ANK2: variants seen among roughly 807,000 people sequenced by gnomAD.
The protein encoded by ANK2 is ankyrin-2.
A neutral mutation model predicts 360.5 loss-of-function variants in ANK2; 83 were observed. The ratio of observed to expected loss-of-function variants is 0.23; its 90% CI spans 0.19 to 0.28. ANK2 has a LOEUF of 0.28. Ranked by LOEUF, ANK2 falls within the 10% of genes least tolerant of loss-of-function variation. The pLI is 1.00. For synonymous variants in ANK2, 1,740 were observed against 1,759.5 expected, an observed-to-expected ratio of 0.99 and a Z score of 0.28; for missense variants, 4,201 against 4,795.7, an observed-to-expected ratio of 0.88 and a Z score of 3.66.
intron 2 of ANK2, among the ~76,000 whole-genome samples, chr4:112,954,170 C>T (rs528872410): frequency 8.6e-5 from 13 of 151,788 alleles, no homozygotes; most frequent in Non-Finnish European, 1.6e-4. Context: ...GTATCCTTCC[C>T]TTTCTTCTTC....
At chr4:113,214,722 G>A (rs1044309533) in intron 4 of ANK2, among the ~76,000 whole-genome samples, 1 of 152,064 alleles carries the variant, frequency 6.6e-6, no homozygotes, top group African/African-American at 2.4e-5. Context: ...AATTAGACTC[G>A]TGAGGCAAAG....
chr4:113,293,432 C>T lies in ANK2; in HGVS notation c.2377-8C>T, dbSNP rs139893914. ...TTTCTCACTCTCTCTCTTTCACTCT[C>T]TCTTCAGAATGGCAACACTGCCTTG... is the stretch of plus-strand genomic sequence containing the variant. On this transcript the variant is annotated splice_region_variant and splice_polypyrimidine_tract_variant and intron_variant, in intron 21 of 45. Coordinates refer to ENST00000357077, the MANE Select transcript of ANK2 (RefSeq NM_001148.6). The T allele has an allele frequency of 9.5e-3, 15,362 of 1,611,062 alleles. 91 individuals carry two copies. The highest frequency in any genetic ancestry group is 0.012 in the Non-Finnish European group (13,798 of 1,178,024).
intron 7 of ANK2, 74 bp from the exon 8 acceptor site, chr4:113,240,411 T>C: frequency 8.8e-7 from 1 of 1,131,692 alleles, no homozygotes; most frequent in Non-Finnish European, 1.3e-6. Context: ...CCATGTGACC[T>C]TCTTCACTAA....
At chr4:112,914,920 T>C (rs570206297) in intron 2 of ANK2, among the ~76,000 whole-genome samples, 198 of 152,340 alleles carry the variant, frequency 1.3e-3, no homozygotes, top group Admixed American at 2.8e-3. Context: ...AATTTGAAGA[T>C]GGGAATTCTA....
In ANK2 at chr4:113,334,065, C is replaced by G. The variant is rs187991860; in HGVS notation, c.3379+857C>G. 3.4e-4 allele frequency among the ~76,000 whole-genome samples: 51 copies of G among 152,036 alleles called. No individual in the cohort carries two copies. In the East Asian group the frequency reaches 0.01, roughly 30 times the overall value. On this transcript the variant is annotated intron_variant, in intron 29 of 45. Transcript: ENST00000357077. ...ACCAAGTTTTGTATACAGCTAGACA[C>G]TCAAGAGCAAGTATAGCTGTTTATC...
At chr4:113,208,306 T>C (rs923190155) in intron 4 of ANK2, among the ~76,000 whole-genome samples, 13 of 151,830 alleles carry the variant, frequency 8.6e-5, no homozygotes, top group Non-Finnish European at 2.9e-5. Context: ...AATGGAGTAG[T>C]AGTGGTCTGG....
intron 1 of ANK2, among the ~76,000 whole-genome samples, chr4:113,121,716 A>T (rs976102061): frequency 3.3e-5 from 5 of 152,168 alleles, no homozygotes; most frequent in Non-Finnish European, 5.9e-5. Flanking sequence ...GATTAAGTAG[A>T]AAATTAAAAA....
At chr4:112,801,934 A>C in the ANK2 span, among the ~76,000 whole-genome samples, 1 of 151,014 alleles carries the variant, frequency 6.6e-6, no homozygotes, top group Non-Finnish European at 1.5e-5. Context: ...GGGGAGGGTG[A>C]GGTGAAGGTC....
chr4:112,949,593 A>G (rs2094795545), intron 2 of ANK2, among the ~76,000 whole-genome samples: 1 of 152,232 alleles, frequency 6.6e-6, no homozygotes. Flanking sequence ...TCTGTAAATG[A>G]CATTGGAATA....
chr4:113,186,606 T>TCC (rs1432971616), intron 2 of ANK2, among the ~76,000 whole-genome samples: 6 of 129,450 alleles, frequency 4.6e-5, no homozygotes, highest in Non-Finnish European at 6.3e-5. Flanking sequence ...TCTCTCTCTC[T>TCC]CCCTCACTCA....
chr4:113,029,551 T>C (rs927288484), intron 2 of ANK2, among the ~76,000 whole-genome samples: 1 of 152,064 alleles, frequency 6.6e-6, no homozygotes, highest in African/African-American at 2.4e-5. Flanking sequence ...TTTTAAAAGA[T>C]AGCTATAAAT....
At chr4:112,732,660 AGAAT>A in the ANK2 span, among the ~76,000 whole-genome samples, 5 of 152,368 alleles carry the variant, frequency 3.3e-5, no homozygotes, top group East Asian at 9.6e-4. Flanking sequence ...TCTACAAAAC[AGAAT>A]CTAGCCTCAC....
chr4:112,918,542 T>A (rs1294325917), intron 2 of ANK2, among the ~76,000 whole-genome samples: 1 of 152,210 alleles, frequency 6.6e-6, no homozygotes, highest in Non-Finnish European at 1.5e-5. Flanking sequence ...GCCCTCACCA[T>A]GGCTGCTGCA....
chr4:113,284,425 C>G (rs996251084), intron 18 of ANK2, among the ~76,000 whole-genome samples: 3 of 152,288 alleles, frequency 2.0e-5, no homozygotes, highest in African/African-American at 4.8e-5. Flanking sequence ...GATTAAAATT[C>G]CAGATAGTTC....
chr4:113,367,189 ATC>A (rs1309562328), intron 41 of ANK2, among the ~76,000 whole-genome samples: 1 of 152,180 alleles, frequency 6.6e-6, no homozygotes, highest in Non-Finnish European at 1.5e-5. Flanking sequence ...AACTGTACTC[ATC>A]TTACTCTTCA....
intron 2 of ANK2, among the ~76,000 whole-genome samples, chr4:112,926,644 T>G (rs368568296): frequency 4.6e-5 from 7 of 152,208 alleles, no homozygotes; most frequent in African/African-American, 1.7e-4. Flanking sequence ...AGGTAGATGT[T>G]AATTTGTAGA....
chr4:113,058,280 T>C (rs2071188555), intron 1 of ANK2, among the ~76,000 whole-genome samples: 1 of 152,096 alleles, frequency 6.6e-6, no homozygotes, highest in East Asian at 1.9e-4. Context: ...ATACTAAAAA[T>C]GGGAAGAAAT....
Position 113,339,332 on chromosome 4 carries a change from T to C in ANK2, c.3893+10T>C, listed in dbSNP as rs72556367. 1.8e-3 allele frequency: 2,840 copies of C among 1,609,396 alleles called. 54 individuals are homozygous for C. The African/African-American group carries it at 0.033, about 19-fold the overall frequency. On this transcript the variant is annotated intron_variant, in intron 32 of 45. Coordinates refer to ENST00000357077, the MANE Select transcript of ANK2 (RefSeq NM_001148.6). Reference sequence around the variant, plus strand: ...CAAACGTGTCTGCCAGGTATCGTTATATAGCACAGAAAAGCCCACTATGAT... The same window carrying C: ...CAAACGTGTCTGCCAGGTATCGTTACATAGCACAGAAAAGCCCACTATGAT...
Position 113,358,879 on chromosome 4 carries a change from G to A in ANK2, c.10261G>A (p.Ala3421Thr), listed in dbSNP as rs184653689. The A allele has an allele frequency of 1.9e-6, 3 of 1,613,960 alleles. No individual in the cohort carries two copies. Among genetic ancestry groups the A allele is most frequent in the Non-Finnish European group, 2.5e-6 (3 of 1,179,986 alleles). The change falls in exon 38 of 46, where the codon GCC (alanine) becomes ACC (threonine). Residue 3421 changes from alanine to threonine, a missense_variant. Transcript: ENST00000357077. ...GACAGAAACAGAGAGCAGAGAGAGG[G>A]CCGAGGAACTTGAGTTAGAATCAGA... ...TETETESRER[A>T]EELELESEEG...
Sources: allele counts gnomAD v4.1 joint callset (sites outside exome capture counted in the v4.1 genomes callset), GRCh38; gene constraint gnomAD v4.1.1; transcripts MANE v1.5; gene names NCBI Gene and HGNC (gene_info 2026-07-23, HGNC 2026-07-21).